GRM1: variants seen among roughly 807,000 people sequenced by gnomAD.
GRM1 encodes the protein metabotropic glutamate receptor 1.
GRM1 carries 33 observed loss-of-function variants against 90.9 expected under a neutral mutation model. That is an observed-to-expected ratio of 0.36 (90% confidence interval 0.28 to 0.49). The LOEUF is 0.49. GRM1 is among the 20% of genes least tolerant of loss of function. The pLI is 0.99. For missense variants in GRM1, 1,190 were observed against 1,534.3 expected, an observed-to-expected ratio of 0.78 and a Z score of 3.75; for synonymous variants, 700 against 613.2, an observed-to-expected ratio of 1.14 and a Z score of -2.09.
intron 2 of GRM1, among the ~76,000 whole-genome samples, chr6:146,203,027 C>CT (rs1371160335): frequency 2.0e-5 from 3 of 151,738 alleles, no homozygotes; most frequent in South Asian, 2.1e-4. Flanking sequence ...AACCCCGTCT[C>CT]ACTAAAAATA....
At position 146,159,577 on chromosome 6, in the gene GRM1, C is replaced by T. The variant is rs143238116; in HGVS notation, c.930C>T (p.Gly310=). 47 of 1,611,486 alleles carry T rather than the reference C, an allele frequency of 2.9e-5. 1 individual carries two copies. In the East Asian group the frequency reaches 9.8e-4, roughly 34 times the overall value. The change falls in exon 2 of 8, where the codon GGC becomes GGT. Residue 310 remains glycine, a synonymous_variant. Coordinates refer to ENST00000282753, the MANE Select transcript of GRM1 (RefSeq NM_001278064.2). ...CCATGCGGCGCCTTGGCGTCGTGGG[C>T]GAGTTCTCACTCATTGGAAGGTAAG... ...LSAMRRLGVV[G]EFSLIGSDGW...
chr6:146,141,415 T>C (rs1776877115), intron 1 of GRM1, among the ~76,000 whole-genome samples: 1 of 152,182 alleles, frequency 6.6e-6, no homozygotes, highest in South Asian at 2.1e-4. Context: ...TGTACTTGAA[T>C]GTTAATATCT....
intron 7 of GRM1, among the ~76,000 whole-genome samples, chr6:146,418,560 C>CTA (rs1043885467): frequency 2.6e-5 from 4 of 151,212 alleles, no homozygotes; most frequent in Non-Finnish European, 5.9e-5. Context: ...ACTATTTTTA[C>CTA]TATTTTTTTA....
intron 5 of GRM1, among the ~76,000 whole-genome samples, chr6:146,379,919 A>T (rs1776255621): frequency 6.9e-6 from 1 of 145,344 alleles, no homozygotes. Flanking sequence ...TCTCTCAAAC[A>T]TACAGAGTCT....
chr6:146,172,885 A>G (rs1778189198), intron 2 of GRM1, among the ~76,000 whole-genome samples: 1 of 152,194 alleles, frequency 6.6e-6, no homozygotes, highest in South Asian at 2.1e-4. Flanking sequence ...TAGGTTTTGG[A>G]AGAGTAGAGA....
At chr6:146,171,753 AG>A (rs1778135443) in intron 2 of GRM1, 1 of 287,092 alleles carries the variant, frequency 3.5e-6, no homozygotes, top group Non-Finnish European at 7.3e-6. Context: ...ACTAAGGTCA[AG>A]AGCAAAGCTG....
chr6:146,420,109 G>T (rs1029182380), intron 7 of GRM1, among the ~76,000 whole-genome samples: 1 of 152,202 alleles, frequency 6.6e-6, no homozygotes, highest in South Asian at 2.1e-4. Context: ...TAAAAGATAA[G>T]CTGAATACAT....
intron 1 of GRM1, among the ~76,000 whole-genome samples, chr6:146,073,083 G>T (rs1453976960): frequency 1.3e-5 from 2 of 151,912 alleles, no homozygotes; most frequent in Non-Finnish European, 2.9e-5. Context: ...ATGATTATAG[G>T]TTAGTTAATT....
At chr6:146,178,797 A>G (rs929684542) in intron 2 of GRM1, among the ~76,000 whole-genome samples, 4 of 152,232 alleles carry the variant, frequency 2.6e-5, no homozygotes, top group Non-Finnish European at 4.4e-5. Context: ...ATGCTTGTAT[A>G]TTCATGTTTG....
intron 7 of GRM1, among the ~76,000 whole-genome samples, chr6:146,423,482 A>C (rs1396113127): frequency 6.6e-6 from 1 of 151,292 alleles, no homozygotes; most frequent in East Asian, 1.9e-4. Context: ...TTTTTTTTCA[A>C]ATCTCTCCAT....
intron 6 of GRM1, among the ~76,000 whole-genome samples, chr6:146,397,473 C>CAAAAAAAAAAAA (rs1195779695): frequency 4.2e-4 from 7 of 16,768 alleles, no homozygotes; most frequent in African/African-American, 1.1e-3. Flanking sequence ...GACCCCGTCT[C>CAAAAAAAAAAAA]AAAAAAAAAA....
intron 3 of GRM1, among the ~76,000 whole-genome samples, chr6:146,311,913 T>C (rs942245026): frequency 6.6e-6 from 1 of 152,214 alleles, no homozygotes; most frequent in Non-Finnish European, 1.5e-5. Context: ...AAATTTATAC[T>C]TTTAGTAACC....
chr6:146,029,031 C>T (rs966228754), upstream of GRM1, among the ~76,000 whole-genome samples: 4 of 152,214 alleles, frequency 2.6e-5, no homozygotes, highest in African/African-American at 7.2e-5. Context: ...GCAGGACACC[C>T]CGCCTTCCTC....
At chr6:146,267,706 GTCTC>G (rs1583247081) in intron 2 of GRM1, among the ~76,000 whole-genome samples, 199 of 94,784 alleles carry the variant, frequency 2.1e-3, no homozygotes, top group South Asian at 7.1e-3. Context: ...GGCTCGGCTC[GTCTC>G]GTCTCGTCTC....
intron 2 of GRM1, among the ~76,000 whole-genome samples, chr6:146,216,127 G>A (rs1779864061): frequency 2.6e-5 from 4 of 152,214 alleles, no homozygotes; most frequent in South Asian, 4.2e-4. Context: ...CTGACTCTAT[G>A]TATGTATTAG....
chr6:146,243,330 C>A (rs568698520), intron 2 of GRM1, among the ~76,000 whole-genome samples: 1 of 152,178 alleles, frequency 6.6e-6, no homozygotes, highest in Admixed American at 6.6e-5. Flanking sequence ...CTAAGTGGTA[C>A]TCTGTCCAGC....
chr6:146,397,473 C>CAAAAAAAAAAAAAAAAAA (rs1195779695), intron 6 of GRM1, among the ~76,000 whole-genome samples: 3 of 16,770 alleles, frequency 1.8e-4, no homozygotes, highest in Non-Finnish European at 2.5e-4. Flanking sequence ...GACCCCGTCT[C>CAAAAAAAAAAAAAAAAAA]AAAAAAAAAA....
intron 1 of GRM1, among the ~76,000 whole-genome samples, chr6:146,052,486 G>A (rs778164511): frequency 1.3e-5 from 2 of 151,888 alleles, no homozygotes; most frequent in Non-Finnish European, 2.9e-5. Context: ...GGGGAGTTAG[G>A]GAGAGAAAGG....
rs148754776 is a variant in GRM1, at chr6:146,382,141, A to G, written c.1603-4749A>G. The stretch of plus-strand genomic sequence containing the variant: ...TCAGTGAAATGTCAAAACTTTTACT[A>G]TGACTCAGAGTTGACATAAAAAGCA... On this transcript the variant is annotated intron_variant, in intron 5 of 7. Transcript: ENST00000282753. Among the ~76,000 whole-genome samples the G allele has an allele frequency of 7.9e-3, 1,202 of 152,274 alleles. 51 individuals carry two copies. The highest frequency in any genetic ancestry group is 0.075 in the Admixed American group (1,138 of 15,272).
Sources: gnomAD v4.1 joint callset for allele counts (sites outside exome capture counted in the v4.1 genomes callset) on GRCh38, gnomAD v4.1.1 for gene constraint, MANE v1.5 for transcripts, NCBI Gene and HGNC (gene_info 2026-07-23, HGNC 2026-07-21) for gene names.